The following KALRN variants were observed in gnomAD, a reference collection of about 807,000 sequenced individuals.
KALRN encodes the protein kalirin.
A neutral mutation model predicts 353.7 loss-of-function variants in KALRN; 70 were observed. That is an observed-to-expected ratio of 0.20 (90% confidence interval 0.16 to 0.24). The LOEUF is 0.24. KALRN is among the 10% of genes least tolerant of loss of function. KALRN has a pLI of 1.00. For synonymous variants in KALRN, 1,391 were observed against 1,434.8 expected (o/e 0.97, Z 0.69); for missense variants, 2,791 against 3,756.7 (o/e 0.74, Z 6.72).
intron 1 of KALRN, among the ~76,000 whole-genome samples, chr3:124,184,122 G>T (rs536921213): frequency 1.3e-5 from 2 of 152,194 alleles, no homozygotes; most frequent in African/African-American, 4.8e-5. Flanking sequence ...CCGAACACAG[G>T]CATGGAGGCT....
chr3:124,662,003 C>G, intron 45 of KALRN, 75 bp downstream of exon 45: 1 of 1,201,918 alleles, frequency 8.3e-7, no homozygotes, highest in Non-Finnish European at 1.2e-6. Flanking sequence ...GCTTCCTCCC[C>G]CTGAAGCCTT....
In KALRN at chr3:124,671,879, A is replaced by G. The variant is rs2086501870; in HGVS notation, c.6923A>G (p.Asp2308Gly). 1 of 1,613,608 alleles carries G rather than the reference A, an allele frequency of 6.2e-7. No homozygotes were observed. Among genetic ancestry groups the G allele is most frequent in the Non-Finnish European group, 8.5e-7 (1 of 1,179,634 alleles). The change falls in exon 48 of 60, where the codon GAC becomes GGC. Residue 2308 changes from aspartate (D) to glycine (G), a missense_variant. By Grantham distance (94) the Asp-to-Gly change is moderately conservative (BLOSUM62 -1). Transcript: ENST00000682506. ...GGGTTTGAATACCACCAGCCTGGGG[A>G]CAAGTTCGAAGCCAGCAAGGTAAGT... Reference protein sequence around the residue: ...SPGFEYHQPGDKFEASKNDLG... With the variant: ...SPGFEYHQPGGKFEASKNDLG...
intron 21 of KALRN, 96 bp from the exon 22 acceptor site, chr3:124,455,081 G>A: frequency 7.5e-7 from 1 of 1,326,314 alleles, no homozygotes; most frequent in South Asian, 1.3e-5. Flanking sequence ...CAGCTATGAG[G>A]TATCTATGGC....
intron 33 of KALRN, among the ~76,000 whole-genome samples, chr3:124,516,880 C>T: frequency 6.6e-6 from 1 of 151,814 alleles, no homozygotes; most frequent in East Asian, 1.9e-4. Context: ...TGCAGTGGTG[C>T]AATCTCGGCT....
chr3:124,498,379 C>T (rs564721894), intron 33 of KALRN, among the ~76,000 whole-genome samples: 1 of 152,208 alleles, frequency 6.6e-6, no homozygotes, highest in African/African-American at 2.4e-5. Flanking sequence ...GGTCATTGAG[C>T]CCCGATGAAG....
intron 16 of KALRN, among the ~76,000 whole-genome samples, chr3:124,431,991 G>A (rs185000619): frequency 1.9e-4 from 29 of 152,234 alleles, no homozygotes; most frequent in African/African-American, 6.3e-4. Flanking sequence ...TTTCTAAGGC[G>A]GAATTAACCA....
intron 1 of KALRN, among the ~76,000 whole-genome samples, chr3:124,149,743 T>C (rs761311370): frequency 6.6e-6 from 1 of 152,204 alleles, no homozygotes; most frequent in Non-Finnish European, 1.5e-5. Context: ...GCTATTGGTA[T>C]CTAGGAAACT....
In KALRN at chr3:124,631,377, T is replaced by C. The variant is rs1455845435; in HGVS notation, c.5183-1043T>C. On this transcript the variant is annotated intron_variant, in intron 34 of 59. Transcript: ENST00000682506. ...TCAATTTCTCCACTCAGGTATCTAA[T>C]GGGCATCTCAAAGATGTCTAAACCT... is the stretch of plus-strand genomic sequence containing the variant. Among the ~76,000 whole-genome samples, 8 of 152,180 alleles carry C rather than the reference T, an allele frequency of 5.3e-5. No homozygotes were observed. The East Asian group carries it at 1.5e-3, about 29-fold the overall frequency.
chr3:124,477,397 C>A, intron 27 of KALRN, 63 bp downstream of exon 27: 1 of 1,162,162 alleles, frequency 8.6e-7, no homozygotes, highest in Non-Finnish European at 1.3e-6. Flanking sequence ...TCTGCTTTGG[C>A]ATAATGGATG....
At chr3:124,306,068 C>CATT (rs1184017438) in intron 6 of KALRN, among the ~76,000 whole-genome samples, 6 of 151,738 alleles carry the variant, frequency 4.0e-5, no homozygotes, top group Non-Finnish European at 7.4e-5. Flanking sequence ...TCAGTAAAGA[C>CATT]ATTATTATTA....
intron 32 of KALRN, among the ~76,000 whole-genome samples, chr3:124,495,965 G>C (rs201214334): frequency 2.4e-5 from 1 of 41,478 alleles, no homozygotes. Flanking sequence ...GTGTATGTAT[G>C]TATATATATA....
At chr3:124,516,631 A>T (rs1443485320) in intron 33 of KALRN, among the ~76,000 whole-genome samples, 1 of 127,848 alleles carries the variant, frequency 7.8e-6, no homozygotes, top group Admixed American at 8.5e-5. Flanking sequence ...CTTGTAGCAC[A>T]TCTATAAAAA....
At chr3:124,551,494 T>C (rs2070528755) in intron 33 of KALRN, among the ~76,000 whole-genome samples, 1 of 151,508 alleles carries the variant, frequency 6.6e-6, no homozygotes, top group African/African-American at 2.4e-5. Context: ...CTCATGTTGG[T>C]GGTGCTCAGC....
chr3:124,072,319 G>A (rs1039219226), intron 1 of KALRN, among the ~76,000 whole-genome samples: 5 of 152,174 alleles, frequency 3.3e-5, no homozygotes, highest in Admixed American at 6.5e-5. Context: ...CTGTGTCTCT[G>A]TTCCTCTGTC....
intron 1 of KALRN, among the ~76,000 whole-genome samples, chr3:124,196,602 C>A (rs939287100): frequency 1.3e-5 from 2 of 152,090 alleles, no homozygotes; most frequent in African/African-American, 4.8e-5. Flanking sequence ...CTACTTATTT[C>A]TAAATCTTCA....
chr3:124,447,616 C>T (rs1822995), intron 21 of KALRN, among the ~76,000 whole-genome samples: 23,000 of 152,134 alleles, frequency 0.15, 2,342 homozygotes, highest in East Asian at 0.51. Context: ...TTTGGCATCA[C>T]TTCCACACAA....
At chr3:124,715,736 C>G (rs2063105742) in intron 58 of KALRN, among the ~76,000 whole-genome samples, 1 of 152,222 alleles carries the variant, frequency 6.6e-6, no homozygotes, top group Admixed American at 6.5e-5. Flanking sequence ...GACCCTGCAT[C>G]AGGCTCCTCT....
chr3:124,145,402 G>A (rs2067208867), intron 1 of KALRN, among the ~76,000 whole-genome samples: 1 of 152,184 alleles, frequency 6.6e-6, no homozygotes, highest in African/African-American at 2.4e-5. Flanking sequence ...ACATTAAAAA[G>A]TCTCTGGGTC....
intron 45 of KALRN, among the ~76,000 whole-genome samples, chr3:124,663,069 C>T (rs2085095078): frequency 6.6e-6 from 1 of 152,120 alleles, no homozygotes; most frequent in Admixed American, 6.5e-5. Context: ...CCTCAGTCTC[C>T]TGAGTAGCTG....
Sources: gnomAD v4.1 joint callset for allele counts (sites outside exome capture counted in the v4.1 genomes callset) on GRCh38, gnomAD v4.1.1 for gene constraint, MANE v1.5 for transcripts, NCBI Gene and HGNC (gene_info 2026-07-23, HGNC 2026-07-21) for gene names.